Variants in AXIN2 observed in about 807,000 individuals in gnomAD.
AXIN2 encodes the protein axin 2, also known as axin-2.
AXIN2 carries 21 observed loss-of-function variants against 74.7 expected under a neutral mutation model. The observed-to-expected ratio is 0.28, with a 90% confidence interval of 0.20 to 0.40. The LOEUF is 0.40. Among genes scored for constraint, AXIN2 ranks in the 10% least tolerant of loss-of-function variants. The pLI, the probability that AXIN2 is intolerant of heterozygous loss-of-function variation, is 1.00. For synonymous variants in AXIN2, 532 were observed against 454.9 expected, an observed-to-expected ratio of 1.17 and a Z score of -2.16; for missense variants, 1,144 against 1,111.1, an observed-to-expected ratio of 1.03 and a Z score of -0.42.
At chr17:65,538,113 C>G (rs1446191538) in intron 5 of AXIN2, 90 bp downstream of exon 5, 2 of 1,597,066 alleles carry the variant, frequency 1.3e-6, no homozygotes, top group Non-Finnish European at 1.7e-6. Context: ...CGCACATGCG[C>G]ACACCCTAAC....
At chr17:65,557,591 G>T (rs1359532322) in intron 2 of AXIN2, among the ~76,000 whole-genome samples, 2 of 152,186 alleles carry the variant, frequency 1.3e-5, no homozygotes, top group African/African-American at 4.8e-5. Flanking sequence ...GCCACTGTTT[G>T]AAGTCAGCAC....
chr17:65,552,771 A>AT (rs1345775115), intron 2 of AXIN2, among the ~76,000 whole-genome samples: 4 of 152,180 alleles, frequency 2.6e-5, no homozygotes, highest in Non-Finnish European at 4.4e-5. Flanking sequence ...ACCCACGCCT[A>AT]TAATCCCAGC....
At position 65,536,390 on chromosome 17, in the gene AXIN2, G is replaced by A. The variant is rs1352792335; in HGVS notation, c.2071C>T (p.Pro691Ser). Residue 691 changes from proline (P) to serine (S), a missense_variant, in exon 8 of 11, where the codon CCC (proline) becomes TCC (serine). Pro to Ser is a moderately conservative substitution (Grantham distance 74). Around this residue, in one of 4 missense-constraint regions of AXIN2, gnomAD observed 1,053 missense variants for 973.5 expected, o/e 1.08. Coordinates refer to ENST00000307078, the MANE Select transcript of AXIN2 (RefSeq NM_004655.4). The part of the protein sequence containing the change: ...QDPAMPPLTP[P>S]NTLAQLEEAC... ...TCCTCCAGCTGAGCCAGCGTGTTGG[G>A]TGGGGTCAGGGGAGGCATCGCAGGG... 1.9e-6 allele frequency: 3 copies of A among 1,613,818 alleles called. No homozygotes were observed. Among genetic ancestry groups the A allele is most frequent in the Non-Finnish European group, 2.5e-6 (3 of 1,180,010 alleles).
chr17:65,547,368 A>T (rs1022343173), intron 3 of AXIN2, among the ~76,000 whole-genome samples: 1 of 152,234 alleles, frequency 6.6e-6, no homozygotes. Context: ...CAAAGCGGGC[A>T]AAGTACAGGG....
At position 65,537,481 on chromosome 17, in the gene AXIN2, T is replaced by G. The variant is rs146769008; in HGVS notation, c.1555A>C (p.Ile519Leu). The G allele has an allele frequency of 3.7e-6, 6 of 1,613,482 alleles. No homozygotes were observed. The highest frequency in any genetic ancestry group is 2.2e-5 in the East Asian group (1 of 44,704). Residue 519 changes from isoleucine (I) to leucine (L), a missense_variant, in exon 6 of 11, where the codon ATC (isoleucine) becomes CTC (leucine). Ile to Leu is a conservative substitution (Grantham distance 5, BLOSUM62 2). This residue lies in a region of AXIN2 where 1,053 missense variants were observed against 973.5 expected (regional missense o/e 1.08). Transcript: ENST00000307078. ...QTTKHVHHHY[I>L]HHHAVPKTKE... is the part of the protein sequence containing the mutation. ...GTCTTGGGGACGGCATGGTGGTGGA[T>G]GTAGTGGTGGTGGACATGCTTCGTC...
intron 2 of AXIN2, among the ~76,000 whole-genome samples, chr17:65,553,999 T>A (rs149438571): frequency 6.6e-6 from 1 of 152,160 alleles, no homozygotes; most frequent in Non-Finnish European, 1.5e-5. Flanking sequence ...CAGCCTCACA[T>A]CCACAGACCT....
intron 9 of AXIN2, among the ~76,000 whole-genome samples, chr17:65,534,865 G>A (rs1042646774): frequency 2.0e-5 from 3 of 152,208 alleles, no homozygotes; most frequent in Non-Finnish European, 2.9e-5. Context: ...AGGAGGCGGA[G>A]GCTGCAGTGG....
rs1279069233 is a variant in AXIN2, at chr17:65,557,909, C to T, written c.712G>A (p.Asp238Asn). 1.9e-6 allele frequency: 3 copies of T among 1,614,020 alleles called. No homozygotes were observed. The highest frequency in any genetic ancestry group is 2.2e-5 in the East Asian group (1 of 44,892). ...GTTGGCGAAAGTTTGCACTTGAAGT[C>T]GGCACAAGTCCACTCCTCTTCTTCA... ...LNEEEEWTCA[D>N]FKCKLSPTVV... The change falls in exon 2 of 11, where the codon GAC (aspartate) becomes AAC (asparagine). Residue 238 changes from aspartate (D) to asparagine (N), a missense_variant. Physicochemically the swap from Asp to Asn is conservative, Grantham distance 23. Coordinates refer to ENST00000307078, the MANE Select transcript of AXIN2 (RefSeq NM_004655.4).
intron 2 of AXIN2, 50 bp from the exon 3 acceptor site, chr17:65,549,710 C>G (rs905681184): frequency 6.4e-7 from 1 of 1,564,708 alleles, no homozygotes; most frequent in Non-Finnish European, 8.7e-7. Flanking sequence ...CACCAGAAAC[C>G]CAGGTAATCA....
intron 8 of AXIN2, 21 bp downstream of exon 8, chr17:65,536,299 G>A (rs768995977): frequency 4.8e-5 from 76 of 1,591,088 alleles, no homozygotes; most frequent in Non-Finnish European, 6.2e-5. Flanking sequence ...CCTCAACCTA[G>A]GACCCTTCAC....
rs773785363 is a variant in AXIN2, at chr17:65,537,770, G to A, written c.1266C>T (p.Pro422=). 1.3e-6 allele frequency: 2 copies of A among 1,586,546 alleles called. No individual in the cohort carries two copies. The highest frequency in any genetic ancestry group is 2.3e-5 in the East Asian group (1 of 43,354). The change falls in exon 6 of 11, where the codon CCC becomes CCT. Residue 422 remains proline, a synonymous_variant. Transcript: ENST00000307078. ...AGCTGCCGGAGGGCAGTAGGGAGAGGGGGTGCTGCGTGGGCGCCCCCTCCC... is the reference window on the plus strand; with the variant it reads ...AGCTGCCGGAGGGCAGTAGGGAGAGAGGGTGCTGCGTGGGCGCCCCCTCCC... The part of the protein sequence containing the change: ...NSREGAPTQH[P]LSLLPSGSYE...
In AXIN2 at chr17:65,539,837, A is replaced by C. The variant is rs138760746; in HGVS notation, c.1060-1494T>G. Among the ~76,000 whole-genome samples, 4 of 152,324 alleles carry C rather than the reference A, an allele frequency of 2.6e-5. No individual in the cohort carries two copies. The East Asian group carries it at 7.7e-4, about 29-fold the overall frequency. On this transcript the variant is annotated intron_variant, in intron 4 of 10. Transcript: ENST00000307078. ...TGCTTTCTTCCCCTCCCCTCCTTGC[A>C]ACCTGGATCTGAGGCTGTTGTAAAC... is the stretch of plus-strand genomic sequence containing the variant.
rs886053272 is a variant in AXIN2 at position 65,537,593 on chromosome 17, G to C, written c.1443C>G (p.Leu481=). ...CGGGAGGCAGCTTGCCACCGGGCGG[G>C]AGCAGGGAGTGGTACTGCGAATGGT... is the stretch of plus-strand genomic sequence containing the variant. ...HHHHSQYHSL[L]PPGGKLPPAA... The change falls in exon 6 of 11, where the codon CTC becomes CTG. Residue 481 remains leucine (L), a synonymous_variant. Coordinates refer to ENST00000307078, the MANE Select transcript of AXIN2 (RefSeq NM_004655.4). 1 of 1,605,590 alleles carries C rather than the reference G, an allele frequency of 6.2e-7. No individual in the cohort carries two copies. Among genetic ancestry groups the C allele is most frequent in the African/African-American group, 1.3e-5 (1 of 74,862 alleles).
intron 9 of AXIN2, 73 bp from the exon 10 acceptor site, chr17:65,534,152 C>A (rs111717069): frequency 1.1e-5 from 17 of 1,541,264 alleles, no homozygotes; most frequent in Non-Finnish European, 1.5e-5. Flanking sequence ...CACACACGTG[C>A]GCACATGTGC....
chr17:65,539,495 CG>C (rs1229657287), intron 4 of AXIN2, among the ~76,000 whole-genome samples: 2 of 152,068 alleles, frequency 1.3e-5, no homozygotes, highest in African/African-American at 4.8e-5. Context: ...CAAGCTTGGG[CG>C]ATAGAACTTT....
At chr17:65,540,715 C>T (rs1017973421) in intron 4 of AXIN2, among the ~76,000 whole-genome samples, 1 of 152,018 alleles carries the variant, frequency 6.6e-6, no homozygotes, top group African/African-American at 2.4e-5. Flanking sequence ...TGGCATTGCC[C>T]ACCACCCCCC....
At chr17:65,541,683 CAT>C (rs1205887218) in intron 3 of AXIN2, 126 bp from the exon 4 acceptor site, 22 of 816,356 alleles carry the variant, frequency 2.7e-5, no homozygotes, top group Admixed American at 3.7e-5. Flanking sequence ...AGGAGTGTCA[CAT>C]GTCTCCAGAT....
At chr17:65,531,514 C>T (rs890733542) in intron 10 of AXIN2, among the ~76,000 whole-genome samples, 1 of 152,020 alleles carries the variant, frequency 6.6e-6, no homozygotes, top group African/African-American at 2.4e-5. Flanking sequence ...CACTTCTCCA[C>T]ATAAGAGGCT....
rs368289818 is a variant in AXIN2, at chr17:65,537,483, T to C, written c.1553A>G (p.Tyr518Cys). 54 of 1,613,488 alleles carry C rather than the reference T, an allele frequency of 3.3e-5. No homozygotes were observed. In the Middle Eastern group the frequency reaches 8.2e-4, roughly 25 times the overall value. The change falls in exon 6 of 11, where the codon TAC becomes TGC. Residue 518 changes from tyrosine to cysteine, a missense_variant. Tyr to Cys is a radical substitution (Grantham distance 194). This residue lies in a region of AXIN2 where 1,053 missense variants were observed against 973.5 expected (regional missense o/e 1.08). Coordinates refer to ENST00000307078, the MANE Select transcript of AXIN2 (RefSeq NM_004655.4). Reference sequence around the variant, plus strand: ...CTTGGGGACGGCATGGTGGTGGATGTAGTGGTGGTGGACATGCTTCGTCGT... The same window carrying C: ...CTTGGGGACGGCATGGTGGTGGATGCAGTGGTGGTGGACATGCTTCGTCGT... ...KQTTKHVHHH[Y>C]IHHHAVPKTK...
Sources: allele counts gnomAD v4.1 joint callset (sites outside exome capture counted in the v4.1 genomes callset), GRCh38; gene constraint gnomAD v4.1.1; regional missense constraint gnomAD v4.1.1; transcripts MANE v1.5; gene names NCBI Gene and HGNC (gene_info 2026-07-23, HGNC 2026-07-21).